TRABD2B: variants seen among roughly 807,000 people sequenced by gnomAD.
TRABD2B encodes metalloprotease TIKI2.
TRABD2B carries 14 observed loss-of-function variants against 40.1 expected under a neutral mutation model. The ratio of observed to expected loss-of-function variants is 0.35; its 90% CI spans 0.23 to 0.55. The LOEUF is 0.55. Among genes scored for constraint, TRABD2B ranks in the 20% least tolerant of loss-of-function variants. The pLI, the probability that TRABD2B is intolerant of heterozygous loss-of-function variation, is 0.90. For missense variants in TRABD2B, 541 were observed against 648.6 expected (o/e 0.83, Z 1.80); for synonymous variants, 263 against 277.0 (o/e 0.95, Z 0.50).
intron 4 of TRABD2B, among the ~76,000 whole-genome samples, chr1:47,783,142 C>T (rs910390333): frequency 2.0e-5 from 3 of 150,806 alleles, no homozygotes; most frequent in Non-Finnish European, 4.4e-5. Context: ...GAAAGGGGCA[C>T]GGAGGAGGAA....
At chr1:47,897,252 T>C (rs953242261) in intron 2 of TRABD2B, among the ~76,000 whole-genome samples, 1 of 152,138 alleles carries the variant, frequency 6.6e-6, no homozygotes, top group Non-Finnish European at 1.5e-5. Context: ...ATGCTTGGCA[T>C]GTCCCAGAAA....
At chr1:47,905,728 C>T (rs941633521) in intron 2 of TRABD2B, among the ~76,000 whole-genome samples, 40 of 152,068 alleles carry the variant, frequency 2.6e-4, no homozygotes, top group African/African-American at 8.7e-4. Context: ...TCTCTTTCTA[C>T]CTCCCTTTTG....
intron 2 of TRABD2B, among the ~76,000 whole-genome samples, chr1:47,952,968 T>A (rs1645367060): frequency 6.6e-6 from 1 of 152,210 alleles, no homozygotes; most frequent in South Asian, 2.1e-4. Flanking sequence ...CGCACTCTGC[T>A]GTGACAGAAA....
At chr1:47,804,957 C>T (rs1279054509) in intron 2 of TRABD2B, among the ~76,000 whole-genome samples, 1 of 152,214 alleles carries the variant, frequency 6.6e-6, no homozygotes, top group African/African-American at 2.4e-5. Flanking sequence ...CAATGTCTCC[C>T]TGCAGCAGGG....
chr1:47,952,436 G>A (rs2148386202), intron 2 of TRABD2B, among the ~76,000 whole-genome samples: 1 of 152,268 alleles, frequency 6.6e-6, no homozygotes, highest in South Asian at 2.1e-4. Flanking sequence ...GGTGCAGAGG[G>A]CAGCCAAGCC....
At chr1:47,902,484 G>A (rs778102035) in intron 2 of TRABD2B, among the ~76,000 whole-genome samples, 10 of 152,108 alleles carry the variant, frequency 6.6e-5, no homozygotes. Context: ...TGGGCAACTC[G>A]ACTTCCTGTG....
chr1:47,813,564 ACTCTT>A lies in TRABD2B; in HGVS notation c.667-11950_667-11946del, dbSNP rs1007203525. Among the ~76,000 whole-genome samples, 1 of 151,208 alleles carries A rather than the reference ACTCTT, an allele frequency of 6.6e-6. No homozygotes were observed. The highest frequency in any genetic ancestry group is 2.4e-5 in the African/African-American group (1 of 41,028). ...TTCTTATTCTGGCTCTTTGGGGCAG[ACTCTT>A]CTCTTCTCTTTGCTGCGTCTCAGCT... On this transcript the variant is annotated intron_variant, in intron 2 of 6. Transcript: ENST00000606738. This position sits in a 1 kb window ranked among gnomAD's most constrained non-coding sequence, Gnocchi z 4.3.
chr1:47,810,851 G>A (rs890802546), intron 2 of TRABD2B, among the ~76,000 whole-genome samples: 1 of 152,206 alleles, frequency 6.6e-6, no homozygotes, highest in African/African-American at 2.4e-5. Flanking sequence ...CCTGGACCAC[G>A]GCAACGCCAG....
At chr1:47,801,718 C>A in intron 2 of TRABD2B, 99 bp from the exon 3 acceptor site, 1 of 1,399,858 alleles carries the variant, frequency 7.1e-7, no homozygotes, top group Non-Finnish European at 9.5e-7. Flanking sequence ...AGCAACAGGC[C>A]TGAAACAGAG....
At chr1:47,959,907 C>CA (rs1486336908) in intron 2 of TRABD2B, among the ~76,000 whole-genome samples, 3 of 151,892 alleles carry the variant, frequency 2.0e-5, no homozygotes, top group East Asian at 3.9e-4. Flanking sequence ...GACACACACA[C>CA]AAAAAAAGAG....
At chr1:47,941,619 G>A (rs1055243065) in intron 2 of TRABD2B, among the ~76,000 whole-genome samples, 13 of 152,352 alleles carry the variant, frequency 8.5e-5, no homozygotes, top group African/African-American at 3.1e-4. Context: ...AACCAGGCTA[G>A]TAATCACCTT....
chr1:47,882,705 C>T (rs1184023840), intron 2 of TRABD2B, among the ~76,000 whole-genome samples: 2 of 152,106 alleles, frequency 1.3e-5, no homozygotes, highest in Non-Finnish European at 2.9e-5. Flanking sequence ...TCTGTGAACG[C>T]TAACATGCCA....
At position 47,971,537 on chromosome 1, in the gene TRABD2B, G is replaced by A. The variant is rs372974090; in HGVS notation, c.666+22497C>T. Among the ~76,000 whole-genome samples, 48 of 152,202 alleles carry A rather than the reference G, an allele frequency of 3.2e-4. No homozygotes were observed. The East Asian group carries it at 8.3e-3, about 26-fold the overall frequency. ...ATTTATCCAGGTCTACCTTGTGCCA[G>A]GTAGGCCTGCCCAGCCCTAACTCCC... On this transcript the variant is annotated intron_variant, in intron 2 of 6. Transcript: ENST00000606738.
intron 2 of TRABD2B, among the ~76,000 whole-genome samples, chr1:47,816,321 G>A (rs981016594): frequency 6.6e-6 from 1 of 152,050 alleles, no homozygotes. Context: ...ACTCTCCCAG[G>A]CTCAAATTCC....
chr1:47,814,041 G>C (rs1213478910), intron 2 of TRABD2B, among the ~76,000 whole-genome samples: 1 of 152,256 alleles, frequency 6.6e-6, no homozygotes. Flanking sequence ...CCACAAACAG[G>C]ATTCCCAAAG....
rs577214033 is a variant in TRABD2B, at chr1:47,950,280, G to A, written c.666+43754C>T. On this transcript the variant is annotated intron_variant, in intron 2 of 6. Transcript: ENST00000606738. Reference sequence around the variant, plus strand: ...AGCTTGGGCGATAGAGCAAGACTCCGTCTCAAAAGAAAAAAAAAATAATAA... The same window carrying A: ...AGCTTGGGCGATAGAGCAAGACTCCATCTCAAAAGAAAAAAAAAATAATAA... Among the ~76,000 whole-genome samples, 169 of 151,802 alleles carry A rather than the reference G, an allele frequency of 1.1e-3. 1 individual carries two copies. Among genetic ancestry groups the A allele is most frequent in the South Asian group, 6.2e-3 (30 of 4,802 alleles).
At chr1:47,830,040 C>T (rs1570068402) in intron 2 of TRABD2B, among the ~76,000 whole-genome samples, 1 of 152,104 alleles carries the variant, frequency 6.6e-6, no homozygotes, top group East Asian at 1.9e-4. Flanking sequence ...TTCCATCCGT[C>T]CTTAGAATTC....
At chr1:47,936,596 A>C (rs944900947) in intron 2 of TRABD2B, among the ~76,000 whole-genome samples, 1 of 151,992 alleles carries the variant, frequency 6.6e-6, no homozygotes, top group African/African-American at 2.4e-5. Flanking sequence ...AAGGATAATA[A>C]GTTTTAAAAA....
intron 2 of TRABD2B, among the ~76,000 whole-genome samples, chr1:47,904,692 G>C (rs1359419855): frequency 2.0e-5 from 3 of 152,182 alleles, no homozygotes; most frequent in Non-Finnish European, 4.4e-5. Context: ...GCCTAGTACA[G>C]GAGAGGAGGA....
Sources: gnomAD v4.1 joint callset for allele counts (sites outside exome capture counted in the v4.1 genomes callset) on GRCh38, gnomAD v4.1.1 for gene constraint, Gnocchi (gnomAD v3.1) non-coding constraint, MANE v1.5 for transcripts, NCBI Gene and HGNC (gene_info 2026-07-23, HGNC 2026-07-21) for gene names.